Variants in KCNN2 observed in about 807,000 individuals in gnomAD.
KCNN2 encodes potassium calcium-activated channel subfamily N member 2, also known as small conductance calcium-activated potassium channel protein 2.
In KCNN2, 24 loss-of-function variants were observed where a neutral mutation model predicts 55.5. The ratio of observed to expected loss-of-function variants is 0.43; its 90% confidence interval spans 0.31 to 0.61. KCNN2 has a LOEUF of 0.61. KCNN2 is among the 20% of genes least tolerant of loss of function. The pLI, the probability that KCNN2 is intolerant of heterozygous loss-of-function variation, is 0.08. For synonymous variants in KCNN2, 431 were observed against 336.1 expected, an observed-to-expected ratio of 1.28 and a Z score of -3.09; for missense variants, 754 against 853.6, an observed-to-expected ratio of 0.88 and a Z score of 1.45.
chr5:114,302,004 C>T (rs1756176080), intron 2 of KCNN2, among the ~76,000 whole-genome samples: 1 of 152,166 alleles, frequency 6.6e-6, no homozygotes, highest in Non-Finnish European at 1.5e-5. Context: ...TGGCACCAAA[C>T]AAAACTACTG....
intron 2 of KCNN2, among the ~76,000 whole-genome samples, chr5:114,244,342 C>T (rs1285609898): frequency 3.9e-5 from 2 of 51,604 alleles, no homozygotes; most frequent in African/African-American, 5.1e-5. Context: ...CATGGCGGCT[C>T]ATTGCCACTT....
chr5:114,328,680 C>A (rs982609045), intron 2 of KCNN2, among the ~76,000 whole-genome samples: 4 of 152,108 alleles, frequency 2.6e-5, no homozygotes, highest in African/African-American at 9.7e-5. Flanking sequence ...CACCCTTCGG[C>A]AGGGAAGAAG....
intron 1 of KCNN2, among the ~76,000 whole-genome samples, chr5:114,204,874 C>A (rs1380907495): frequency 6.6e-6 from 1 of 152,160 alleles, no homozygotes; most frequent in African/African-American, 2.4e-5. Flanking sequence ...TATAACATGT[C>A]CTTATTAATA....
At chr5:114,472,636 C>T (rs538584250) in intron 4 of KCNN2, among the ~76,000 whole-genome samples, 5 of 152,248 alleles carry the variant, frequency 3.3e-5, no homozygotes, top group African/African-American at 9.6e-5. Context: ...CTGATCTCAT[C>T]TTAAGATTAG....
chr5:114,366,705 G>A (rs992308942), intron 2 of KCNN2, among the ~76,000 whole-genome samples: 49 of 151,980 alleles, frequency 3.2e-4, no homozygotes, highest in Non-Finnish European at 4.3e-4. Flanking sequence ...ATTGCCCCCC[G>A]CCCTCCTTTT....
upstream of KCNN2, among the ~76,000 whole-genome samples, chr5:114,358,391 C>T (rs549318106): frequency 3.3e-5 from 5 of 151,976 alleles, no homozygotes; most frequent in East Asian, 1.9e-4. Flanking sequence ...TGTTTGTGTG[C>T]GTGTTCACAA....
intron 2 of KCNN2, among the ~76,000 whole-genome samples, chr5:114,328,403 T>C (rs1423060993): frequency 6.6e-6 from 1 of 152,142 alleles, no homozygotes; most frequent in East Asian, 1.9e-4. Context: ...AGAGAAGGCA[T>C]AGCCATTGCC....
At chr5:114,279,096 T>G (rs1653946238) in intron 2 of KCNN2, among the ~76,000 whole-genome samples, 1 of 152,024 alleles carries the variant, frequency 6.6e-6, no homozygotes, top group African/African-American at 2.4e-5. Flanking sequence ...AATTTTATAA[T>G]TAGTTTATAA....
At chr5:114,330,678 C>T (rs941223928) in intron 2 of KCNN2, among the ~76,000 whole-genome samples, 4 of 152,182 alleles carry the variant, frequency 2.6e-5, no homozygotes, top group Non-Finnish European at 5.9e-5. Flanking sequence ...GACAAATTCC[C>T]ACTCAACCTT....
At chr5:114,272,843 G>T (rs2150009193) in intron 2 of KCNN2, among the ~76,000 whole-genome samples, 1 of 152,070 alleles carries the variant, frequency 6.6e-6, no homozygotes, top group Non-Finnish European at 1.5e-5. Flanking sequence ...GCAAAAACTT[G>T]TCTCATTCTT....
chr5:114,274,156 G>A (rs552380887), intron 2 of KCNN2, among the ~76,000 whole-genome samples: 1 of 152,266 alleles, frequency 6.6e-6, no homozygotes, highest in Admixed American at 6.5e-5. Context: ...TGGTAGATGT[G>A]TGCTATTATT....
chr5:114,339,441 A>C (rs1027818125), intron 2 of KCNN2, among the ~76,000 whole-genome samples: 11 of 152,196 alleles, frequency 7.2e-5, no homozygotes, highest in Admixed American at 2.0e-4. Context: ...AAAGGAAAAA[A>C]CTACAAATAT....
intron 2 of KCNN2, among the ~76,000 whole-genome samples, chr5:114,285,305 A>G (rs865823734): frequency 9.1e-4 from 137 of 150,430 alleles, no homozygotes; most frequent in East Asian, 5.5e-3. Flanking sequence ...AAAAAAAAAA[A>G]AGAGAGACAG....
chr5:114,056,213 G>T (rs892348572), exon 1 of KCNN2: 2 of 394,960 alleles, frequency 5.1e-6, no homozygotes, highest in Non-Finnish European at 8.9e-6. Context: ...GCCCGCGCCC[G>T]CGCCCCGGAG....
intron 2 of KCNN2, among the ~76,000 whole-genome samples, chr5:114,328,895 T>A (rs1756757030): frequency 6.6e-6 from 1 of 152,196 alleles, no homozygotes; most frequent in African/African-American, 2.4e-5. Context: ...GAAAGGCCCC[T>A]TTAGCTGGCC....
intron 2 of KCNN2, among the ~76,000 whole-genome samples, chr5:114,380,286 C>G (rs768234730): frequency 1.3e-5 from 2 of 152,182 alleles, no homozygotes; most frequent in Admixed American, 6.5e-5. Flanking sequence ...CCCCCTGCTT[C>G]TTTCTGGTGG....
intron 2 of KCNN2, among the ~76,000 whole-genome samples, chr5:114,333,673 T>A (rs1252263328): frequency 6.6e-6 from 1 of 152,184 alleles, no homozygotes; most frequent in African/African-American, 2.4e-5. Flanking sequence ...GTTCTTATTT[T>A]AAATGGTTTT....
chr5:114,284,020 G>T (rs1755682229), intron 2 of KCNN2, among the ~76,000 whole-genome samples: 1 of 152,094 alleles, frequency 6.6e-6, no homozygotes, highest in Non-Finnish European at 1.5e-5. Context: ...CAGGAAGAGG[G>T]GATATTCTTC....
At chr5:114,429,272 A>G (rs955083428) in intron 3 of KCNN2, among the ~76,000 whole-genome samples, 2 of 152,122 alleles carry the variant, frequency 1.3e-5, no homozygotes, top group Non-Finnish European at 2.9e-5. Context: ...TCAAAATACA[A>G]TGAGATACCA....
Sources: allele counts gnomAD v4.1 joint callset (sites outside exome capture counted in the v4.1 genomes callset), GRCh38; gene constraint gnomAD v4.1.1; transcripts MANE v1.5; gene names NCBI Gene and HGNC (gene_info 2026-07-23, HGNC 2026-07-21).